Variants in PWWP2A observed in about 807,000 individuals in gnomAD.
The protein encoded by PWWP2A is PWWP domain-containing protein 2A.
A neutral mutation model predicts 48.5 loss-of-function variants in PWWP2A; 18 were observed. That is an observed-to-expected ratio of 0.37 (90% CI 0.26 to 0.55). PWWP2A has a LOEUF of 0.55. Among genes scored for constraint, PWWP2A ranks in the 20% least tolerant of loss-of-function variants. The probability of loss-of-function intolerance (pLI) is 0.81; values close to 1 mark genes in which losing one functional copy is unlikely to be tolerated. For missense variants in PWWP2A, 867 were observed against 976.4 expected (o/e 0.89, Z 1.49); for synonymous variants, 396 against 387.7 (o/e 1.02, Z -0.25).
chr5:160,053,899 G>A, the PWWP2A span, among the ~76,000 whole-genome samples: 1 of 152,202 alleles, frequency 6.6e-6, no homozygotes, highest in African/African-American at 2.4e-5. Context: ...TTAGTGGGTA[G>A]AACAATTATT....
In PWWP2A at chr5:160,078,044, G is replaced by T; in HGVS notation, c.*111C>A. ...TTATAGACTGTTGTTTTTAACCACT[G>T]CCTTAACATTTACTTCTTAGTGCAG... On this transcript the variant is annotated 3_prime_UTR_variant, in exon 4 of 4. Transcript: ENST00000456329. This position sits in a 1 kb window ranked among gnomAD's most constrained non-coding sequence, Gnocchi z 4.2. 1 of 931,066 alleles carries T rather than the reference G, an allele frequency of 1.1e-6. No individual in the cohort carries two copies. Among genetic ancestry groups the T allele is most frequent in the Non-Finnish European group, 1.7e-6 (1 of 589,952 alleles). 57.7% of individuals were successfully genotyped at this position (931,066 alleles called of 1,614,324 possible).
chr5:160,060,705 C>T (rs1040100146), downstream of PWWP2A, among the ~76,000 whole-genome samples: 13 of 152,202 alleles, frequency 8.5e-5, no homozygotes, highest in Non-Finnish European at 1.6e-4. Context: ...GGCAGAAAAA[C>T]GTATGCATGT....
At chr5:160,087,763 T>C (rs1472977287), downstream of PWWP2A, among the ~76,000 whole-genome samples, 2 of 152,190 alleles carry the variant, frequency 1.3e-5, no homozygotes, top group Non-Finnish European at 2.9e-5. Context: ...TCCATTAATA[T>C]AACAAGGAGA....
intron 1 of PWWP2A, among the ~76,000 whole-genome samples, chr5:160,100,660 T>C (rs1246342126): frequency 2.6e-5 from 4 of 152,174 alleles, no homozygotes; most frequent in African/African-American, 7.2e-5. Context: ...TTTGAGCCAA[T>C]GATTTTAGAA....
downstream of PWWP2A, among the ~76,000 whole-genome samples, chr5:160,074,919 C>T (rs748546275): frequency 1.3e-5 from 2 of 150,998 alleles, no homozygotes; most frequent in East Asian, 3.9e-4. Flanking sequence ...GACAACAAAG[C>T]GAGACCTTGT....
chr5:160,085,614 C>T (rs924934252), intron 2 of PWWP2A, among the ~76,000 whole-genome samples: 1 of 148,446 alleles, frequency 6.7e-6, no homozygotes, highest in African/African-American at 2.5e-5. Flanking sequence ...TCAAGCAATT[C>T]TCTTGCCTCA....
At chr5:160,071,899 G>A (rs1020338079), downstream of PWWP2A, among the ~76,000 whole-genome samples, 1 of 152,170 alleles carries the variant, frequency 6.6e-6, no homozygotes, top group African/African-American at 2.4e-5. Context: ...CAGGAGGGAT[G>A]AGGATAGGGA....
rs1753199024 is a variant in PWWP2A at position 160,078,311 on chromosome 5, ATGT to A, written c.1670-146_1670-144del. ...CTTTTAAATCGGTTAAACCTGACCG[ATGT>A]TGTTTTGAGAAAACAACTTACTGCC... On this transcript the variant is annotated intron_variant, in intron 3 of 3. Transcript: ENST00000456329. This position sits in a 1 kb window ranked among gnomAD's most constrained non-coding sequence, Gnocchi z 4.2. 1.6e-6 allele frequency: 1 copy of A among 642,362 alleles called. No individual in the cohort carries two copies. The highest frequency in any genetic ancestry group is 2.7e-6 in the Non-Finnish European group (1 of 365,566). The allele number at this position is 642,362 out of a possible 1,614,324, so 39.8% of individuals were successfully genotyped here.
chr5:160,095,618 CCAGT>C (rs2113550684), intron 1 of PWWP2A, among the ~76,000 whole-genome samples: 1 of 151,706 alleles, frequency 6.6e-6, no homozygotes, highest in South Asian at 2.1e-4. Flanking sequence ...AAACTAGATG[CCAGT>C]GTTTTATATA....
At chr5:160,114,104 A>G (rs1757859188) in intron 1 of PWWP2A, among the ~76,000 whole-genome samples, 1 of 152,250 alleles carries the variant, frequency 6.6e-6, no homozygotes, top group Admixed American at 6.5e-5. Flanking sequence ...CAATGGCCAA[A>G]TAAGATACAA....
chr5:160,098,327 T>C (rs1341881041), intron 1 of PWWP2A, among the ~76,000 whole-genome samples: 2 of 152,190 alleles, frequency 1.3e-5, no homozygotes, highest in Non-Finnish European at 2.9e-5. Flanking sequence ...TAATTGTGTG[T>C]GGGTAGTGAA....
chr5:160,053,217 A>G, the PWWP2A span, among the ~76,000 whole-genome samples: 1 of 152,216 alleles, frequency 6.6e-6, no homozygotes, highest in Non-Finnish European at 1.5e-5. Flanking sequence ...CAAGCTTTTC[A>G]CAGTGGACTG....
In PWWP2A at chr5:160,118,992, GCTC is replaced by G; in HGVS notation, c.394_396del (p.Glu132del). ...GGGGCTACGGGCTGAGGCAGCGGCG[GCTC>G]CTCGCGCTCCTCGGGAGCCGGGGGC... On this transcript the variant is annotated inframe_deletion, in exon 1 of 2. Transcript: ENST00000307063. 6.3e-7 allele frequency: 1 copy of G among 1,595,460 alleles called. No homozygotes were observed. Among genetic ancestry groups the G allele is most frequent in the Non-Finnish European group, 8.5e-7 (1 of 1,173,556 alleles).
chr5:160,104,885 A>C (rs1353949866), intron 1 of PWWP2A, among the ~76,000 whole-genome samples: 1 of 152,094 alleles, frequency 6.6e-6, no homozygotes, highest in African/African-American at 2.4e-5. Context: ...ACAAAGAAGA[A>C]CACAAAAATA....
chr5:160,045,597 G>T, the PWWP2A span, among the ~76,000 whole-genome samples: 1 of 143,740 alleles, frequency 7.0e-6, no homozygotes, highest in African/African-American at 2.6e-5. Context: ...CCTTGGCAAA[G>T]AACTTAGCTT....
Position 160,107,125 on chromosome 5 carries a change from C to T in PWWP2A, c.584+11680G>A, listed in dbSNP as rs561982835. On this transcript the variant is annotated intron_variant, in intron 1 of 1. Transcript: ENST00000307063. Reference sequence around the variant, plus strand: ...TATAGGCATGAGCCACCGTGACCGGCCTTAACCGGGAACCTTTAAAACAGG... The same window carrying T: ...TATAGGCATGAGCCACCGTGACCGGTCTTAACCGGGAACCTTTAAAACAGG... 2.4e-3 allele frequency among the ~76,000 whole-genome samples: 365 copies of T among 152,268 alleles called. 1 individual carries two copies. The highest frequency in any genetic ancestry group is 2.9e-3 in the Non-Finnish European group (196 of 68,020).
chr5:160,079,993 G>C (rs967081765), intron 3 of PWWP2A, among the ~76,000 whole-genome samples: 5 of 152,204 alleles, frequency 3.3e-5, no homozygotes, highest in Non-Finnish European at 2.9e-5. Context: ...TTTCAAAGCA[G>C]TGCAAACACA....
At chr5:160,051,799 A>C in the PWWP2A span, among the ~76,000 whole-genome samples, 1 of 152,166 alleles carries the variant, frequency 6.6e-6, no homozygotes, top group Non-Finnish European at 1.5e-5. Flanking sequence ...GGGTTCCTGA[A>C]CACAGACTTA....
chr5:160,081,935 A>C (rs1303535600), intron 2 of PWWP2A, among the ~76,000 whole-genome samples: 1 of 152,254 alleles, frequency 6.6e-6, no homozygotes, highest in South Asian at 2.1e-4. Context: ...TATATAATGA[A>C]AACCTATTTA....
Sources: allele counts gnomAD v4.1 joint callset (sites outside exome capture counted in the v4.1 genomes callset), GRCh38; gene constraint gnomAD v4.1.1; non-coding constraint Gnocchi (gnomAD v3.1); transcripts MANE v1.5; gene names NCBI Gene and HGNC (gene_info 2026-07-23, HGNC 2026-07-21).